Variants in XIRP2 observed in about 807,000 individuals in gnomAD.
XIRP2 encodes the protein xin actin binding repeat containing 2.
A neutral mutation model predicts 277.0 loss-of-function variants in XIRP2; 236 were observed. The ratio of observed to expected loss-of-function variants is 0.85; its 90% confidence interval spans 0.77 to 0.95. XIRP2 has a LOEUF of 0.95. Ranked by LOEUF, XIRP2 falls within the 40% of genes least tolerant of loss-of-function variation. The pLI, the probability that XIRP2 is intolerant of heterozygous loss-of-function variation, is 0.00. For missense variants in XIRP2, 4,640 were observed against 4,157.5 expected (o/e 1.12, Z -3.19); for synonymous variants, 1,490 against 1,416.5 (o/e 1.05, Z -1.17).
chr2:167,146,492 C>T (rs1170247247), intron 3 of XIRP2, among the ~76,000 whole-genome samples: 2 of 147,700 alleles, frequency 1.4e-5, no homozygotes, highest in East Asian at 3.9e-4. Flanking sequence ...CAGAACAAGA[C>T]TCTGTCTCAA....
intron 2 of XIRP2, among the ~76,000 whole-genome samples, chr2:167,005,789 T>TAA (rs5836128): frequency 7.6e-4 from 112 of 147,360 alleles, no homozygotes; most frequent in African/African-American, 2.2e-3. Context: ...TCTTTATTGA[T>TAA]AAAAAAAAAA....
At chr2:166,998,297 A>G (rs1687278215) in intron 2 of XIRP2, among the ~76,000 whole-genome samples, 1 of 152,158 alleles carries the variant, frequency 6.6e-6, no homozygotes, top group Non-Finnish European at 1.5e-5. Flanking sequence ...TTAATTGACA[A>G]ACCATTAGGT....
chr2:166,909,410 C>T (rs1198721363), intron 2 of XIRP2, among the ~76,000 whole-genome samples: 3 of 152,046 alleles, frequency 2.0e-5, no homozygotes, highest in Admixed American at 2.0e-4. Context: ...TGATTTGGCT[C>T]TCTGTTTGTC....
At chr2:167,209,551 G>C (rs900532009) in intron 3 of XIRP2, among the ~76,000 whole-genome samples, 3 of 152,050 alleles carry the variant, frequency 2.0e-5, no homozygotes, top group Non-Finnish European at 4.4e-5. Context: ...GCCCTACCCT[G>C]TAAGTCCCAG....
At chr2:166,893,860 C>G (rs1266743814) in intron 1 of XIRP2, among the ~76,000 whole-genome samples, 1 of 151,902 alleles carries the variant, frequency 6.6e-6, no homozygotes, top group Admixed American at 6.6e-5. Flanking sequence ...AGAAATGTAC[C>G]AAAACATGTC....
chr2:167,142,026 C>A (rs1018295443), intron 3 of XIRP2, among the ~76,000 whole-genome samples: 2 of 152,084 alleles, frequency 1.3e-5, no homozygotes, highest in Non-Finnish European at 2.9e-5. Context: ...GGAAACATAC[C>A]GCAGTAAAAT....
chr2:167,060,875 T>C (rs1689157386), intron 2 of XIRP2, among the ~76,000 whole-genome samples: 1 of 152,280 alleles, frequency 6.6e-6, no homozygotes, highest in Non-Finnish European at 1.5e-5. Flanking sequence ...TTTTCATATA[T>C]TTGTTAGAAT....
At chr2:167,083,977 G>C (rs1308597385) in intron 2 of XIRP2, among the ~76,000 whole-genome samples, 1 of 151,052 alleles carries the variant, frequency 6.6e-6, no homozygotes, top group East Asian at 1.9e-4. Flanking sequence ...CCAACACTAT[G>C]TTGAATAGGA....
chr2:166,996,685 A>C (rs980542067), intron 2 of XIRP2, among the ~76,000 whole-genome samples: 2 of 152,184 alleles, frequency 1.3e-5, no homozygotes, highest in Non-Finnish European at 2.9e-5. Flanking sequence ...AGTATGTTTC[A>C]GAATTCTATA....
At chr2:166,978,239 T>C (rs749295699) in intron 2 of XIRP2, among the ~76,000 whole-genome samples, 11 of 152,208 alleles carry the variant, frequency 7.2e-5, no homozygotes, top group Admixed American at 1.3e-4. Context: ...TAATCTATTT[T>C]TTAATATTCA....
intron 2 of XIRP2, among the ~76,000 whole-genome samples, chr2:166,974,009 A>G (rs1427819357): frequency 6.6e-6 from 1 of 152,244 alleles, no homozygotes; most frequent in Non-Finnish European, 1.5e-5. Context: ...AATGTCAGAT[A>G]AAATTTATGA....
At chr2:167,127,218 A>G (rs1691232406) in intron 2 of XIRP2, among the ~76,000 whole-genome samples, 1 of 152,166 alleles carries the variant, frequency 6.6e-6, no homozygotes. Flanking sequence ...TGTGTCAGCC[A>G]CAAATAGTTG....
intron 5 of XIRP2, among the ~76,000 whole-genome samples, chr2:167,236,551 C>T (rs1425555179): frequency 6.6e-6 from 1 of 151,990 alleles, no homozygotes; most frequent in African/African-American, 2.4e-5. Flanking sequence ...AAAGTTAGAG[C>T]ATATACATCA....
chr2:166,967,036 G>A (rs1383401941), intron 2 of XIRP2, among the ~76,000 whole-genome samples: 4 of 151,880 alleles, frequency 2.6e-5, no homozygotes, highest in Admixed American at 6.6e-5. Context: ...GTGTATTACT[G>A]TGCATATGTA....
At position 167,049,088 on chromosome 2, in the gene XIRP2, T is replaced by G. The variant is rs1351946025; in HGVS notation, c.409-86821T>G. ...AAAAGTAGTATACAAATTTTGGAGC[T>G]TACTTCAATGAGTTCTTTTTCTCTC... On this transcript the variant is annotated intron_variant, in intron 2 of 10. Transcript: ENST00000409195. Among the ~76,000 whole-genome samples, 3 of 151,900 alleles carry G rather than the reference T, an allele frequency of 2.0e-5. No homozygotes were observed. The East Asian group carries it at 5.8e-4, about 29-fold the overall frequency.
chr2:167,173,438 A>G (rs1465723422), intron 3 of XIRP2, among the ~76,000 whole-genome samples: 1 of 152,142 alleles, frequency 6.6e-6, no homozygotes, highest in Non-Finnish European at 1.5e-5. Context: ...ATTTTCATCC[A>G]TGTTGTTGTA....
intron 5 of XIRP2, among the ~76,000 whole-genome samples, chr2:167,234,454 A>G (rs2105421834): frequency 6.6e-6 from 1 of 151,258 alleles, no homozygotes; most frequent in East Asian, 1.9e-4. Flanking sequence ...AATGTATTAA[A>G]CAATACTGAC....
In XIRP2 at chr2:167,258,515, G is replaced by C. The variant is rs372396336; in HGVS notation, c.*698G>C. 23 of 1,613,014 alleles carry C rather than the reference G, an allele frequency of 1.4e-5. No homozygotes were observed. The highest frequency in any genetic ancestry group is 1.9e-5 in the Non-Finnish European group (22 of 1,179,614). ...AAAGAGTAACAGGAAAAGTGCTATG[G>C]ATCTTAATGACAACAATAATGTGAT... On this transcript the variant is annotated 3_prime_UTR_variant, in exon 11 of 11. Coordinates refer to ENST00000409195, the MANE Select transcript of XIRP2 (RefSeq NM_152381.6).
intron 5 of XIRP2, among the ~76,000 whole-genome samples, chr2:167,239,591 C>G (rs545769716): frequency 6.6e-6 from 1 of 152,290 alleles, no homozygotes; most frequent in Non-Finnish European, 1.5e-5. Context: ...CCCCTCCAGC[C>G]TGCAGAACAG....
Sources: allele counts gnomAD v4.1 joint callset (sites outside exome capture counted in the v4.1 genomes callset), GRCh38; gene constraint gnomAD v4.1.1; transcripts MANE v1.5; gene names NCBI Gene and HGNC (gene_info 2026-07-23, HGNC 2026-07-21).